Variants in MYO16 observed in about 807,000 individuals in gnomAD.
MYO16 encodes unconventional myosin-XVI.
Under a neutral mutation model 205.3 loss-of-function variants are expected in MYO16, and 94 were observed. That is an observed-to-expected ratio of 0.46 (90% CI 0.39 to 0.54). MYO16 has a LOEUF of 0.54. MYO16 is among the 20% of genes least tolerant of loss of function. The pLI, the probability that MYO16 is intolerant of heterozygous loss-of-function variation, is 0.00. For missense variants in MYO16, 2,315 were observed against 2,387.5 expected, an observed-to-expected ratio of 0.97 and a Z score of 0.63; for synonymous variants, 988 against 954.0, an observed-to-expected ratio of 1.04 and a Z score of -0.66.
chr13:109,079,691 T>TCAGCATCACA (rs1888223196), intron 27 of MYO16, among the ~76,000 whole-genome samples: 1 of 151,866 alleles, frequency 6.6e-6, no homozygotes, highest in African/African-American at 2.4e-5. Context: ...ACCCCAAACC[T>TCAGCATCACA]CAGCATCACA....
upstream of MYO16, among the ~76,000 whole-genome samples, chr13:108,627,717 C>T (rs542773813): frequency 2.6e-5 from 4 of 152,182 alleles, no homozygotes; most frequent in South Asian, 4.1e-4. Flanking sequence ...TTTTTAATAA[C>T]ATATTTTCTT....
Position 108,707,512 on chromosome 13 carries a change from CA to C in MYO16, c.293-5148del, listed in dbSNP as rs577385268. ...TGATTGCAGGCCTCCCCATCCACTG[CA>C]GCATGAGCACCTCCTGTGAGCTCAC... On this transcript the variant is annotated intron_variant, in intron 2 of 34. Transcript: ENST00000457511. Among the ~76,000 whole-genome samples the C allele has an allele frequency of 3.9e-5, 6 of 152,298 alleles. No individual in the cohort carries two copies. In the South Asian group the frequency reaches 1.0e-3, roughly 26 times the overall value.
chr13:109,153,095 G>A (rs1230259166), intron 32 of MYO16, among the ~76,000 whole-genome samples: 1 of 152,082 alleles, frequency 6.6e-6, no homozygotes, highest in Non-Finnish European at 1.5e-5. Flanking sequence ...TATCCATGAC[G>A]CTCGTTCAAC....
intron 16 of MYO16, among the ~76,000 whole-genome samples, chr13:108,951,893 C>G (rs955882036): frequency 6.6e-6 from 1 of 152,096 alleles, no homozygotes; most frequent in African/African-American, 2.4e-5. Context: ...CACCTGAGGT[C>G]AGGAGTTTGA....
intron 28 of MYO16, among the ~76,000 whole-genome samples, chr13:109,109,406 A>G (rs1889215237): frequency 6.6e-6 from 1 of 152,184 alleles, no homozygotes; most frequent in Admixed American, 6.5e-5. Flanking sequence ...TTTAGGTTCA[A>G]TGCATGCTAC....
the MYO16 span, among the ~76,000 whole-genome samples, chr13:108,510,481 T>TTTTTTTTTATTTTAA: frequency 7.4e-6 from 1 of 134,482 alleles, no homozygotes; most frequent in African/African-American, 2.9e-5. Context: ...TTTTTTTTTT[T>TTTTTTTTTATTTTAA]TTTTATTGTA....
At chr13:108,566,919 A>G in the MYO16 span, among the ~76,000 whole-genome samples, 229 of 152,316 alleles carry the variant, frequency 1.5e-3, no homozygotes, top group Non-Finnish European at 2.6e-3. Context: ...GACAATTAGA[A>G]CAATTTGACT....
chr13:108,572,540 T>A, the MYO16 span, among the ~76,000 whole-genome samples: 45 of 152,310 alleles, frequency 3.0e-4, no homozygotes, highest in Non-Finnish European at 5.9e-4. Flanking sequence ...CCCAGGTGAA[T>A]GCATCTTATT....
intron 16 of MYO16, among the ~76,000 whole-genome samples, chr13:108,926,183 A>C (rs2139277730): frequency 6.6e-6 from 1 of 152,338 alleles, no homozygotes. Flanking sequence ...CAGCGTGTGT[A>C]CTGACCAGAG....
chr13:109,127,399 C>G lies in MYO16; in HGVS notation c.3900C>G (p.His1300Gln). ...VGPSIWSPSL[H>Q]SVFSMDDSSS... The stretch of plus-strand genomic sequence containing the variant: ...CGTCCATCTGGTCTCCTTCGCTGCA[C>G]TCGGTGTTCAGCATGGATGACAGCA... The change falls in exon 31 of 35, where the codon CAC becomes CAG. Residue 1300 changes from histidine to glutamine, a missense_variant. Transcript: ENST00000457511. The surrounding 1 kb of genome is among the most constrained non-coding windows in gnomAD (Gnocchi z 4.2). 6.2e-7 allele frequency: 1 copy of G among 1,614,064 alleles called. No homozygotes were observed. The highest frequency in any genetic ancestry group is 8.5e-7 in the Non-Finnish European group (1 of 1,180,008).
At chr13:108,759,133 G>A (rs1408524613) in intron 4 of MYO16, among the ~76,000 whole-genome samples, 2 of 151,732 alleles carry the variant, frequency 1.3e-5, no homozygotes, top group Non-Finnish European at 2.9e-5. Flanking sequence ...AAGATTTTGT[G>A]GACTATCTTC....
At chr13:108,946,251 G>A (rs547290764) in intron 16 of MYO16, among the ~76,000 whole-genome samples, 227 of 150,908 alleles carry the variant, frequency 1.5e-3, no homozygotes, top group Non-Finnish European at 2.0e-3. Context: ...TTCCTAATAC[G>A]TTCTTTGTTA....
chr13:108,556,595 T>C, the MYO16 span, among the ~76,000 whole-genome samples: 1 of 152,220 alleles, frequency 6.6e-6, no homozygotes. Context: ...CTCTTCACTC[T>C]ATTGATTGTT....
chr13:108,754,909 C>A (rs1885371601), intron 4 of MYO16, among the ~76,000 whole-genome samples: 1 of 152,044 alleles, frequency 6.6e-6, no homozygotes, highest in Non-Finnish European at 1.5e-5. Context: ...GTTAGGAAAA[C>A]ACAGCAGGAC....
At chr13:108,877,921 T>G (rs921715014) in intron 12 of MYO16, among the ~76,000 whole-genome samples, 1 of 152,368 alleles carries the variant, frequency 6.6e-6, no homozygotes, top group South Asian at 2.1e-4. Flanking sequence ...TACCATTCTA[T>G]ATGCTTGTCT....
chr13:109,048,153 ATGTGTGTGTGTGTGTGTGTGTGTGTG>A (rs34750704), intron 24 of MYO16, among the ~76,000 whole-genome samples: 5 of 141,184 alleles, frequency 3.5e-5, no homozygotes, highest in East Asian at 4.2e-4. Flanking sequence ...TTAATAGGAT[ATGTGTGTGTGTGTGTGTGTGTGTGTG>A]TGTGTGTGTG....
chr13:108,551,163 A>T, the MYO16 span, among the ~76,000 whole-genome samples: 2 of 152,188 alleles, frequency 1.3e-5, no homozygotes, highest in Non-Finnish European at 2.9e-5. Context: ...TTTTCATACT[A>T]TACAATCTCC....
chr13:109,067,010 C>T (rs577524166), intron 27 of MYO16, among the ~76,000 whole-genome samples: 10 of 152,306 alleles, frequency 6.6e-5, no homozygotes, highest in Admixed American at 4.6e-4. Context: ...TTCATTTCTT[C>T]ATTCCTTATT....
intron 30 of MYO16, among the ~76,000 whole-genome samples, chr13:109,126,343 G>T (rs1054781252): frequency 4.6e-5 from 7 of 152,124 alleles, no homozygotes; most frequent in Admixed American, 2.0e-4. Flanking sequence ...TGGGCGGCTG[G>T]CTCTGCCTTG....
Sources: allele counts gnomAD v4.1 joint callset (sites outside exome capture counted in the v4.1 genomes callset), GRCh38; gene constraint gnomAD v4.1.1; non-coding constraint Gnocchi (gnomAD v3.1); transcripts MANE v1.5; gene names NCBI Gene and HGNC (gene_info 2026-07-23, HGNC 2026-07-21).